The following HIP1 variants were observed in gnomAD, a reference collection of about 807,000 sequenced individuals.
The protein encoded by HIP1 is huntingtin-interacting protein 1.
A neutral mutation model predicts 147.6 loss-of-function variants in HIP1; 65 were observed. That is an observed-to-expected ratio of 0.44 (90% confidence interval 0.36 to 0.54). HIP1 has a LOEUF of 0.54. Ranked by LOEUF, HIP1 falls within the 20% of genes least tolerant of loss-of-function variation. HIP1 has a pLI of 0.00. For synonymous variants in HIP1, 479 were observed against 504.0 expected (o/e 0.95, Z 0.67); for missense variants, 1,061 against 1,299.6 (o/e 0.82, Z 2.82).
intron 1 of HIP1, among the ~76,000 whole-genome samples, chr7:75,732,375 GTGT>G (rs766112995): frequency 1.8e-4 from 28 of 151,656 alleles, no homozygotes; most frequent in Admixed American, 7.2e-4. Context: ...GGCTTTTTTT[GTGT>G]TGTTTTTCCT....
chr7:75,611,978 G>GGGAGCT (rs1797454023), intron 1 of HIP1: 1 of 644,448 alleles, frequency 1.6e-6, no homozygotes, highest in African/African-American at 2.0e-5. Flanking sequence ...TGCTTGTGTG[G>GGGAGCT]GGAGCTGGGC....
chr7:75,541,768 TCCA>T, intron 29 of HIP1, 148 bp downstream of exon 29: 1 of 575,100 alleles, frequency 1.7e-6, no homozygotes. Flanking sequence ...CTTCTCTACC[TCCA>T]CTGTTTCTTC....
chr7:75,596,007 C>T (rs138041164), intron 2 of HIP1, among the ~76,000 whole-genome samples: 7 of 152,088 alleles, frequency 4.6e-5, no homozygotes, highest in African/African-American at 1.7e-4. Flanking sequence ...GGAGGCCCAG[C>T]GGGAGGACTG....
chr7:75,601,959 T>G (rs782278195), intron 1 of HIP1, among the ~76,000 whole-genome samples: 7 of 151,768 alleles, frequency 4.6e-5, no homozygotes, highest in Non-Finnish European at 8.8e-5. Context: ...TTTGACCCAG[T>G]AATCTCACTC....
chr7:75,686,843 CTTTTTTTTTTT>C (rs55942242), intron 1 of HIP1, among the ~76,000 whole-genome samples: 2 of 80,140 alleles, frequency 2.5e-5, no homozygotes, highest in African/African-American at 1.0e-4. Context: ...TATTTTAGTT[CTTTTTTTTTTT>C]TTTTTTTTTT....
At chr7:75,647,785 TG>T (rs1238295493) in intron 1 of HIP1, among the ~76,000 whole-genome samples, 1 of 152,234 alleles carries the variant, frequency 6.6e-6, no homozygotes, top group Non-Finnish European at 1.5e-5. Flanking sequence ...ACCATGCACT[TG>T]CACATGTGGA....
At position 75,579,443 on chromosome 7, in the gene HIP1, C is replaced by A. The variant is rs587707983; in HGVS notation, c.604+1794G>T. On this transcript the variant is annotated intron_variant, in intron 7 of 30. Transcript: ENST00000336926. The stretch of plus-strand genomic sequence containing the variant: ...AGTAGTTGGGATTACAGGTGCTCAC[C>A]ACCACACCTGGCTAATTTTTGTATT... 6.6e-5 allele frequency among the ~76,000 whole-genome samples: 10 copies of A among 152,108 alleles called. No homozygotes were observed. The South Asian group carries it at 1.7e-3, about 25-fold the overall frequency.
At chr7:75,581,028 C>A (rs1796021401) in intron 7 of HIP1, among the ~76,000 whole-genome samples, 1 of 152,130 alleles carries the variant, frequency 6.6e-6, no homozygotes, top group African/African-American at 2.4e-5. Flanking sequence ...AGGTGCGAGC[C>A]ACTGCACCCG....
intron 1 of HIP1, among the ~76,000 whole-genome samples, chr7:75,627,187 C>T (rs1554508137): frequency 6.6e-6 from 1 of 152,064 alleles, no homozygotes; most frequent in Non-Finnish European, 1.5e-5. Context: ...ACAGAGAAGC[C>T]AAAGTGTGTA....
chr7:75,563,186 A>T lies in HIP1; in HGVS notation c.879+2T>A. 6.2e-7 allele frequency: 1 copy of T among 1,614,158 alleles called. No homozygotes were observed. The highest frequency in any genetic ancestry group is 1.7e-5 in the Admixed American group (1 of 60,018). ...CGAGGGTGTGTGGTTGGGCATGCTT[A>T]CCTCAGGCAGCTGGGGGATCTGAAT... is the stretch of plus-strand genomic sequence containing the variant. On this transcript the variant is annotated splice_donor_variant, in intron 10 of 30. Coordinates refer to ENST00000336926, the MANE Select transcript of HIP1 (RefSeq NM_005338.7). LOFTEE classifies it high-confidence loss of function.
rs143588906 is a variant in HIP1 at position 75,692,397 on chromosome 7, C to A, written c.120+46404G>T. Among the ~76,000 whole-genome samples the A allele has an allele frequency of 8.4e-3, 1,264 of 150,830 alleles. 22 individuals are homozygous for A. Among genetic ancestry groups the A allele is most frequent in the African/African-American group, 0.029 (1,188 of 40,952 alleles). On this transcript the variant is annotated intron_variant, in intron 1 of 30. Coordinates refer to ENST00000336926, the MANE Select transcript of HIP1 (RefSeq NM_005338.7). ...CCTCAAGTCTCCCAAGCAGCTGGGACTACAGGCACACACTGCCATACCTGG... is the reference window on the plus strand; with the variant it reads ...CCTCAAGTCTCCCAAGCAGCTGGGAATACAGGCACACACTGCCATACCTGG...
chr7:75,550,109 T>TTC (rs797027102), intron 22 of HIP1, among the ~76,000 whole-genome samples: 29 of 152,274 alleles, frequency 1.9e-4, no homozygotes, highest in African/African-American at 7.0e-4. Flanking sequence ...TTGACCACAG[T>TTC]TATGGTAACA....
intron 1 of HIP1, among the ~76,000 whole-genome samples, chr7:75,735,668 T>C (rs552827707): frequency 4.6e-5 from 7 of 151,482 alleles, no homozygotes; most frequent in South Asian, 4.2e-4. Flanking sequence ...GGCTGTTCTC[T>C]TTTCTTTTCT....
intron 2 of HIP1, among the ~76,000 whole-genome samples, chr7:75,596,855 A>C (rs1225767880): frequency 2.0e-5 from 3 of 152,042 alleles, no homozygotes; most frequent in Non-Finnish European, 4.4e-5. Flanking sequence ...ATGTGACCTG[A>C]CCCTGCCGCT....
At chr7:75,601,749 C>T (rs1554502983) in intron 1 of HIP1, among the ~76,000 whole-genome samples, 1 of 152,098 alleles carries the variant, frequency 6.6e-6, no homozygotes, top group East Asian at 1.9e-4. Flanking sequence ...TGAATGGTTG[C>T]GATGGAGACC....
intron 1 of HIP1, among the ~76,000 whole-genome samples, chr7:75,642,929 C>T (rs1184477787): frequency 6.6e-6 from 1 of 152,226 alleles, no homozygotes; most frequent in Non-Finnish European, 1.5e-5. Flanking sequence ...TGCCCTGGCC[C>T]TTACTTCCAG....
At chr7:75,659,789 C>T (rs1554513310) in intron 1 of HIP1, among the ~76,000 whole-genome samples, 2 of 152,074 alleles carry the variant, frequency 1.3e-5, no homozygotes, top group African/African-American at 4.8e-5. Context: ...TATTGGGTAC[C>T]CACCATATGC....
At chr7:75,623,249 T>C (rs1225702387) in intron 1 of HIP1, among the ~76,000 whole-genome samples, 1 of 125,826 alleles carries the variant, frequency 7.9e-6, no homozygotes. Context: ...CCTCTGATGG[T>C]AGGTCGAGGA....
chr7:75,562,243 T>G, intron 11 of HIP1, 73 bp from the exon 12 acceptor site: 2 of 932,652 alleles, frequency 2.1e-6, no homozygotes. Context: ...AGTTGAGTGA[T>G]ATGGGAGAAT....
Sources: allele counts gnomAD v4.1 joint callset (sites outside exome capture counted in the v4.1 genomes callset), GRCh38; gene constraint gnomAD v4.1.1; transcripts MANE v1.5; gene names NCBI Gene and HGNC (gene_info 2026-07-23, HGNC 2026-07-21).